The following CDC16 variants were observed in gnomAD, a reference collection of about 807,000 sequenced individuals.
CDC16 encodes the protein cell division cycle protein 16 homolog.
In CDC16, 34 loss-of-function variants were observed where a neutral mutation model predicts 87.0. The observed-to-expected ratio is 0.39, with a 90% CI of 0.30 to 0.52. CDC16 has a LOEUF of 0.52. Ranked by LOEUF, CDC16 falls within the 20% of genes least tolerant of loss-of-function variation. The pLI, the probability that CDC16 is intolerant of heterozygous loss-of-function variation, is 0.74. For missense variants in CDC16, 653 were observed against 751.9 expected (o/e 0.87, Z 1.54); for synonymous variants, 263 against 260.6 (o/e 1.01, Z -0.09).
intron 17 of CDC16, among the ~76,000 whole-genome samples, chr13:114,267,427 G>T (rs939711892): frequency 4.6e-5 from 7 of 152,118 alleles, no homozygotes; most frequent in African/African-American, 1.7e-4. Context: ...CTTGAACCCG[G>T]GAGGCAGAGG....
At chr13:114,267,198 G>T (rs2083282190) in intron 17 of CDC16, among the ~76,000 whole-genome samples, 1 of 152,094 alleles carries the variant, frequency 6.6e-6, no homozygotes, top group Admixed American at 6.6e-5. Flanking sequence ...TTCAAAAGAA[G>T]CTATCTAGGC....
intron 16 of CDC16, among the ~76,000 whole-genome samples, chr13:114,263,665 G>C (rs2082996885): frequency 6.6e-6 from 1 of 152,160 alleles, no homozygotes; most frequent in Non-Finnish European, 1.5e-5. Context: ...TCTCAAAATA[G>C]TGCCCTGGTG....
chr13:114,252,363 C>T (rs984974886), intron 12 of CDC16, among the ~76,000 whole-genome samples: 5 of 152,304 alleles, frequency 3.3e-5, no homozygotes, highest in Non-Finnish European at 7.3e-5. Context: ...TTCATAGGCC[C>T]TATCTTCAAG....
intron 11 of CDC16, among the ~76,000 whole-genome samples, chr13:114,249,490 G>A (rs2082047662): frequency 6.6e-6 from 1 of 152,148 alleles, no homozygotes; most frequent in Non-Finnish European, 1.5e-5. Context: ...CATGAAACAG[G>A]TAACATTTGG....
Position 114,259,349 on chromosome 13 carries a change from A to T in CDC16, c.1265A>T (p.Glu422Val), listed in dbSNP as rs1428010144. The part of the protein sequence containing the change: ...AFQNGEWKTA[E>V]KWFLDALEKI... ...TTTCATTTTAGATGGAAAACAGCCG[A>T]AAAATGGTTTCTTGATGCTTTGGAA... The change falls in exon 14 of 18, where the codon GAA (glutamate) becomes GTA (valine). Residue 422 changes from glutamate to valine, a missense_variant. Glu to Val is a moderately radical substitution (Grantham distance 121). Transcript: ENST00000356221. The T allele has an allele frequency of 6.4e-7, 1 of 1,572,762 alleles. No individual in the cohort carries two copies. The highest frequency in any genetic ancestry group is 1.4e-5 in the African/African-American group (1 of 71,952).
chr13:114,256,559 G>C (rs1026957520), intron 12 of CDC16, among the ~76,000 whole-genome samples: 11 of 152,220 alleles, frequency 7.2e-5, no homozygotes, highest in Admixed American at 3.9e-4. Flanking sequence ...AACTGTCTCA[G>C]AAGGTGGGAA....
intron 17 of CDC16, among the ~76,000 whole-genome samples, chr13:114,270,080 T>G (rs2083512256): frequency 6.6e-6 from 1 of 152,120 alleles, no homozygotes; most frequent in Non-Finnish European, 1.5e-5. Flanking sequence ...GTGTATTAGT[T>G]CATTCTCGCA....
intron 3 of CDC16, among the ~76,000 whole-genome samples, chr13:114,238,779 G>A (rs1322073460): frequency 6.6e-6 from 1 of 152,172 alleles, no homozygotes; most frequent in Admixed American, 6.5e-5. Context: ...GTAACCTCCT[G>A]GGGCAGGGCC....
At chr13:114,239,809 C>G (rs185789828) in intron 5 of CDC16, among the ~76,000 whole-genome samples, 37 of 152,188 alleles carry the variant, frequency 2.4e-4, no homozygotes, top group Admixed American at 4.6e-4. Flanking sequence ...TGTTTTGGAC[C>G]TACACCAAGA....
At chr13:114,240,752 T>C (rs1395571127) in intron 5 of CDC16, among the ~76,000 whole-genome samples, 1 of 152,204 alleles carries the variant, frequency 6.6e-6, no homozygotes, top group African/African-American at 2.4e-5. Flanking sequence ...TTCTAGGTTT[T>C]TGTTTTTGTT....
intron 12 of CDC16, among the ~76,000 whole-genome samples, chr13:114,256,808 C>T (rs2082528819): frequency 6.6e-6 from 1 of 152,032 alleles, no homozygotes; most frequent in Non-Finnish European, 1.5e-5. Context: ...GAGACCTGCC[C>T]TTTTGCTTTA....
rs80081165 is a variant in CDC16, at chr13:114,256,188, G to A, written c.1098-890G>A. On this transcript the variant is annotated intron_variant, in intron 12 of 17. Transcript: ENST00000356221. The stretch of plus-strand genomic sequence containing the variant: ...ATATACACTCCTCAGATTGTTTTAA[G>A]AGCTTGGTTACCTTCCAAAGTTCTG... 8.6e-3 allele frequency among the ~76,000 whole-genome samples: 1,314 copies of A among 152,334 alleles called. 15 individuals carry two copies. The highest frequency in any genetic ancestry group is 0.014 in the Non-Finnish European group (958 of 68,028).
intron 14 of CDC16, 136 bp from the exon 15 acceptor site, chr13:114,261,751 A>G (rs898724002): frequency 3.6e-6 from 2 of 560,696 alleles, no homozygotes; most frequent in Non-Finnish European, 6.4e-6. Context: ...AACAGCAGTT[A>G]CCCTGGCCTT....
Position 114,245,956 on chromosome 13 carries a change from A to G in CDC16, c.848-44A>G, listed in dbSNP as rs369349089. The G allele has an allele frequency of 3.9e-6, 4 of 1,028,620 alleles. No homozygotes were observed. The African/African-American group carries it at 4.8e-5, about 12-fold the overall frequency. 63.7% of individuals were successfully genotyped at this position (1,028,620 alleles called of 1,614,324 possible). On this transcript the variant is annotated intron_variant, in intron 9 of 17. Coordinates refer to ENST00000356221, the MANE Select transcript of CDC16 (RefSeq NM_001078645.3). ...GTAATGAAATCATGTCTTAAATTAC[A>G]TGTGATACGAACAATTGTTCTTTTT... is the stretch of plus-strand genomic sequence containing the variant.
chr13:114,240,175 C>T (rs1265276567), intron 5 of CDC16, among the ~76,000 whole-genome samples: 1 of 152,058 alleles, frequency 6.6e-6, no homozygotes, highest in Non-Finnish European at 1.5e-5. Flanking sequence ...CCCTGTAAGC[C>T]TTACCTGACC....
intron 3 of CDC16, among the ~76,000 whole-genome samples, chr13:114,237,190 TC>T (rs1202857065): frequency 6.6e-6 from 1 of 151,534 alleles, no homozygotes; most frequent in African/African-American, 2.4e-5. Flanking sequence ...TGCATTGCAC[TC>T]CAGCCTGGAC....
chr13:114,257,816 T>G (rs1333254223), intron 13 of CDC16, among the ~76,000 whole-genome samples: 1 of 152,234 alleles, frequency 6.6e-6, no homozygotes, highest in African/African-American at 2.4e-5. Context: ...AGATGGAGTC[T>G]CGCTGTGTTG....
intron 1 of CDC16, among the ~76,000 whole-genome samples, chr13:114,235,371 G>T (rs991655309): frequency 1.3e-5 from 2 of 152,238 alleles, no homozygotes; most frequent in Non-Finnish European, 2.9e-5. Context: ...GCCTCAGTCG[G>T]GTCTGAGCCT....
intron 13 of CDC16, among the ~76,000 whole-genome samples, chr13:114,258,990 T>C (rs1206021217): frequency 6.6e-6 from 1 of 150,886 alleles, no homozygotes; most frequent in African/African-American, 2.4e-5. Flanking sequence ...CCCAGCTGTG[T>C]CAGGAGGCTG....
Sources: allele counts gnomAD v4.1 joint callset (sites outside exome capture counted in the v4.1 genomes callset), GRCh38; gene constraint gnomAD v4.1.1; transcripts MANE v1.5; gene names NCBI Gene and HGNC (gene_info 2026-07-23, HGNC 2026-07-21).